The following TENM4 variants were observed in gnomAD, a reference collection of about 807,000 sequenced individuals.
TENM4 encodes teneurin-4.
A neutral mutation model predicts 243.3 loss-of-function variants in TENM4; 82 were observed. That is an observed-to-expected ratio of 0.34 (90% CI 0.28 to 0.40). The LOEUF is 0.40. Among genes scored for constraint, TENM4 ranks in the 10% least tolerant of loss-of-function variants. The probability of loss-of-function intolerance (pLI) is 1.00; values close to 1 mark genes in which losing one functional copy is unlikely to be tolerated. For missense variants in TENM4, 3,138 were observed against 3,673.3 expected, an observed-to-expected ratio of 0.85 and a Z score of 3.77; for synonymous variants, 1,412 against 1,456.3, an observed-to-expected ratio of 0.97 and a Z score of 0.69.
intron 28 of TENM4, among the ~76,000 whole-genome samples, chr11:78,693,378 T>C (rs1345755610): frequency 1.3e-5 from 2 of 152,220 alleles, no homozygotes; most frequent in Non-Finnish European, 2.9e-5. Context: ...GGAATATAAA[T>C]TCAAAGTCAG....
At chr11:79,139,773 ATATAATATATAT>A in intron 4 of TENM4, among the ~76,000 whole-genome samples, 1 of 35,032 alleles carries the variant, frequency 2.9e-5, no homozygotes, top group Non-Finnish European at 6.1e-5. Context: ...TTATATAAAT[ATATAATATATAT>A]TATATTTATA....
intron 2 of TENM4, among the ~76,000 whole-genome samples, chr11:79,247,065 T>C (rs1303108342): frequency 6.8e-6 from 1 of 147,412 alleles, no homozygotes; most frequent in Non-Finnish European, 1.5e-5. Context: ...CTCCTGAATA[T>C]CCCCAGAGTC....
intron 9 of TENM4, among the ~76,000 whole-genome samples, chr11:78,863,641 T>A (rs970692530): frequency 6.6e-6 from 1 of 152,180 alleles, no homozygotes; most frequent in Non-Finnish European, 1.5e-5. Context: ...TGAAATACTA[T>A]TTTTCACATA....
intron 1 of TENM4, among the ~76,000 whole-genome samples, chr11:79,390,024 A>C (rs949180384): frequency 4.6e-5 from 7 of 152,132 alleles, no homozygotes; most frequent in African/African-American, 1.7e-4. Context: ...GTGGGGATAG[A>C]TTTGAGGAAG....
chr11:79,254,354 T>G (rs1473619184), intron 2 of TENM4, among the ~76,000 whole-genome samples: 1 of 152,192 alleles, frequency 6.6e-6, no homozygotes, highest in African/African-American at 2.4e-5. Context: ...TAAGGACTGA[T>G]AGTGAAACAC....
chr11:78,957,830 G>T (rs1216117016), intron 6 of TENM4, among the ~76,000 whole-genome samples: 1 of 152,208 alleles, frequency 6.6e-6, no homozygotes, highest in Non-Finnish European at 1.5e-5. Flanking sequence ...CTTCGTAAAG[G>T]TTTGTGAGGT....
intron 15 of TENM4, among the ~76,000 whole-genome samples, chr11:78,792,367 G>A (rs1299552529): frequency 6.6e-6 from 1 of 152,134 alleles, no homozygotes; most frequent in South Asian, 2.1e-4. Context: ...TTGTAGCCTG[G>A]ACTTCCTCTC....
chr11:79,374,948 C>G (rs1376160044), intron 1 of TENM4, among the ~76,000 whole-genome samples: 3 of 152,212 alleles, frequency 2.0e-5, no homozygotes, highest in African/African-American at 7.2e-5. Context: ...CTTCTCCTTT[C>G]AAAGACTCTA....
intron 2 of TENM4, among the ~76,000 whole-genome samples, chr11:79,251,666 T>G (rs879500109): frequency 2.0e-5 from 3 of 152,164 alleles, no homozygotes; most frequent in African/African-American, 4.8e-5. Flanking sequence ...CAAGAAGGTT[T>G]GACACCCTTG....
At chr11:79,394,292 G>T (rs1858296337) in intron 1 of TENM4, among the ~76,000 whole-genome samples, 1 of 152,196 alleles carries the variant, frequency 6.6e-6, no homozygotes, top group South Asian at 2.1e-4. Context: ...CTGTGGGGAT[G>T]TGAGGAGGGT....
chr11:79,431,303 G>A (rs562599967), intron 1 of TENM4, among the ~76,000 whole-genome samples: 13 of 152,226 alleles, frequency 8.5e-5, no homozygotes, highest in South Asian at 8.3e-4. Context: ...AAAACAATAC[G>A]TAATCTTTGA....
In TENM4 at chr11:78,990,331, G is replaced by T. The variant is rs574834265; in HGVS notation, c.493+74407C>A. 1.3e-4 allele frequency among the ~76,000 whole-genome samples: 20 copies of T among 152,148 alleles called. 1 individual carries two copies. The East Asian group carries it at 3.7e-3, about 28-fold the overall frequency. Reference sequence around the variant, plus strand: ...AGTCTCTTCTGCTCAGCTTGGGGTCGCCTGGCTGTGGCCTCCCACCTGCTC... The same window carrying T: ...AGTCTCTTCTGCTCAGCTTGGGGTCTCCTGGCTGTGGCCTCCCACCTGCTC... On this transcript the variant is annotated intron_variant, in intron 6 of 33. Transcript: ENST00000278550.
intron 1 of TENM4, among the ~76,000 whole-genome samples, chr11:79,409,239 C>T (rs1055148779): frequency 1.3e-5 from 2 of 150,928 alleles, no homozygotes; most frequent in African/African-American, 4.9e-5. Flanking sequence ...TAGAAATTGG[C>T]ATTGGAGCTA....
chr11:78,696,660 AG>A (rs1858971782), intron 28 of TENM4, among the ~76,000 whole-genome samples: 1 of 152,132 alleles, frequency 6.6e-6, no homozygotes, highest in Non-Finnish European at 1.5e-5. Flanking sequence ...GGTTTGCCAG[AG>A]GGTTTTTTTC....
intron 4 of TENM4, among the ~76,000 whole-genome samples, chr11:79,118,218 A>G (rs1020905991): frequency 6.6e-6 from 1 of 152,210 alleles, no homozygotes; most frequent in Non-Finnish European, 1.5e-5. Flanking sequence ...CCTGTGTGCC[A>G]TCACTGAGTA....
rs1857538463 is a variant in TENM4 at position 78,813,348 on chromosome 11, T to C, written c.1783+946A>G. Among the ~76,000 whole-genome samples the C allele has an allele frequency of 4.6e-5, 7 of 152,342 alleles. No individual in the cohort carries two copies. The South Asian group carries it at 1.4e-3, about 32-fold the overall frequency. ...GGAATCCTTTCCTGAAATTCATCCC[T>C]TCTACTCTCAGACTGCTCTTCCCTT... On this transcript the variant is annotated intron_variant, in intron 13 of 33. Transcript: ENST00000278550.
At chr11:79,051,864 C>T (rs1000084901) in intron 6 of TENM4, among the ~76,000 whole-genome samples, 14 of 152,202 alleles carry the variant, frequency 9.2e-5, no homozygotes, top group African/African-American at 4.8e-5. Context: ...TAAGTGAGAA[C>T]ATGCAGTGTC....
At chr11:79,290,753 T>C (rs1244435157) in intron 2 of TENM4, among the ~76,000 whole-genome samples, 1 of 152,054 alleles carries the variant, frequency 6.6e-6, no homozygotes. Flanking sequence ...GGAAACTCAT[T>C]ATTGAGAAAG....
At chr11:78,670,913 C>T (rs1020185935) in intron 31 of TENM4, among the ~76,000 whole-genome samples, 24 of 152,110 alleles carry the variant, frequency 1.6e-4, no homozygotes, top group Non-Finnish European at 2.1e-4. Flanking sequence ...TACTTTTGTG[C>T]GTGGTGGGGT....
Sources: gnomAD v4.1 joint callset for allele counts (sites outside exome capture counted in the v4.1 genomes callset) on GRCh38, gnomAD v4.1.1 for gene constraint, MANE v1.5 for transcripts, NCBI Gene and HGNC (gene_info 2026-07-23, HGNC 2026-07-21) for gene names.